Variants in BMP8B observed in about 807,000 individuals in gnomAD.
BMP8B encodes bone morphogenetic protein 8b.
BMP8B carries 17 observed loss-of-function variants against 30.3 expected under a neutral mutation model. The observed-to-expected ratio is 0.56, with a 90% CI of 0.38 to 0.84. The LOEUF (loss-of-function observed/expected upper bound fraction) is 0.84. Ranked by LOEUF, BMP8B falls within the 40% of genes least tolerant of loss-of-function variation. BMP8B has a pLI of 0.00. For missense variants in BMP8B, 253 were observed against 494.6 expected, an observed-to-expected ratio of 0.51 and a Z score of 4.63; for synonymous variants, 131 against 214.7, an observed-to-expected ratio of 0.61 and a Z score of 3.41.
chr1:39,761,830 C>T (rs886858560), intron 6 of BMP8B, among the ~76,000 whole-genome samples: 8 of 152,244 alleles, frequency 5.3e-5, no homozygotes, highest in South Asian at 2.1e-4. Context: ...GTCACCTCCA[C>T]GGTTGTTTTG....
chr1:39,766,124 A>T (rs944343368), intron 3 of BMP8B, among the ~76,000 whole-genome samples: 1 of 149,870 alleles, frequency 6.7e-6, no homozygotes, highest in Admixed American at 6.6e-5. Flanking sequence ...CCCTTGGAGC[A>T]GTATACCGTA....
chr1:39,760,404 G>A lies in BMP8B; in HGVS notation c.*15C>T. ...AGATGAGAAGGGTGGCTGCAGCTGG[G>A]CCGGGCGGGTGGACTCAGTGGCAGC... On this transcript the variant is annotated 3_prime_UTR_variant, in exon 7 of 7. Coordinates refer to ENST00000372827, the MANE Select transcript of BMP8B (RefSeq NM_001720.5). The A allele has an allele frequency of 6.2e-7, 1 of 1,613,174 alleles. No individual in the cohort carries two copies.
At chr1:39,779,870 T>C (rs1244886679) in intron 1 of BMP8B, among the ~76,000 whole-genome samples, 1 of 152,234 alleles carries the variant, frequency 6.6e-6, no homozygotes, top group East Asian at 1.9e-4. Context: ...TTGCACATTG[T>C]TCTTAGGGCT....
chr1:39,762,592 A>G (rs1271693591), intron 6 of BMP8B: 4 of 1,549,954 alleles, frequency 2.6e-6, no homozygotes, highest in Non-Finnish European at 3.5e-6. Flanking sequence ...AAACTGGGGG[A>G]AAAGCCAAAA....
chr1:39,761,679 C>T lies in BMP8B; in HGVS notation c.1060-1111G>A, dbSNP rs1223017758. ...GGCCCTGAACCTGCCAAGCTCACTG[C>T]TGTCTTAGGGCCTTGGAATTGCTCC... On this transcript the variant is annotated intron_variant, in intron 6 of 6. Transcript: ENST00000372827. Among the ~76,000 whole-genome samples, 4 of 152,256 alleles carry T rather than the reference C, an allele frequency of 2.6e-5. No individual in the cohort carries two copies. In the East Asian group the frequency reaches 7.7e-4, roughly 29 times the overall value.
intron 6 of BMP8B, among the ~76,000 whole-genome samples, chr1:39,760,879 G>A (rs1648870234): frequency 6.6e-6 from 1 of 152,108 alleles, no homozygotes; most frequent in Non-Finnish European, 1.5e-5. Flanking sequence ...TAATGGGAAG[G>A]AGAACTGTGT....
rs189251602 is a variant in BMP8B at position 39,779,481 on chromosome 1, A to G, written c.335-4443T>C. Among the ~76,000 whole-genome samples the G allele has an allele frequency of 2.6e-5, 4 of 152,278 alleles. No individual in the cohort carries two copies. The East Asian group carries it at 7.7e-4, about 29-fold the overall frequency. ...CTGGGGAGGAGGAGAAAGAGGGGCTAGGTGAGCCCCTGCATCACATAGACA... is the reference window on the plus strand; with the variant it reads ...CTGGGGAGGAGGAGAAAGAGGGGCTGGGTGAGCCCCTGCATCACATAGACA... On this transcript the variant is annotated intron_variant, in intron 1 of 6. Coordinates refer to ENST00000372827, the MANE Select transcript of BMP8B (RefSeq NM_001720.5).
intron 1 of BMP8B, among the ~76,000 whole-genome samples, chr1:39,781,562 T>C (rs554761867): frequency 2.0e-5 from 3 of 152,282 alleles, no homozygotes; most frequent in South Asian, 2.1e-4. Flanking sequence ...ATCGTGTAAA[T>C]TGTATCTTAG....
At chr1:39,778,394 G>A (rs568973702) in intron 1 of BMP8B, among the ~76,000 whole-genome samples, 23 of 151,632 alleles carry the variant, frequency 1.5e-4, no homozygotes, top group African/African-American at 1.9e-4. Context: ...AAGGCGGTGG[G>A]GCAGGGGCAC....
chr1:39,779,327 C>T (rs1290225410), intron 1 of BMP8B, among the ~76,000 whole-genome samples: 1 of 152,110 alleles, frequency 6.6e-6, no homozygotes, highest in African/African-American at 2.4e-5. Flanking sequence ...CCTCCCTGCT[C>T]TTGGCACTCG....
At chr1:39,770,090 C>A (rs775569937) in intron 3 of BMP8B, 1 of 1,221,306 alleles carries the variant, frequency 8.2e-7, no homozygotes, top group South Asian at 1.5e-5. Flanking sequence ...TTGGATGTGT[C>A]CCCCTCGGAT....
At chr1:39,762,633 T>C (rs1649149851) in intron 6 of BMP8B, 2 of 1,546,062 alleles carry the variant, frequency 1.3e-6, no homozygotes, top group African/African-American at 2.8e-5. Context: ...AGAAGCTTCC[T>C]GCCTGCGGTG....
chr1:39,780,002 G>T (rs1013503169), intron 1 of BMP8B, among the ~76,000 whole-genome samples: 1 of 152,186 alleles, frequency 6.6e-6, no homozygotes, highest in Non-Finnish European at 1.5e-5. Flanking sequence ...CCACTTCCAC[G>T]CGCTGTCTTT....
At position 39,758,991 on chromosome 1, in the gene BMP8B, C is replaced by A. The variant is rs1454047664; in HGVS notation, c.*1428G>T. 5.9e-5 allele frequency: 9 copies of A among 152,316 alleles called. No homozygotes were observed. Among genetic ancestry groups the A allele is most frequent in the African/African-American group, 2.2e-4 (9 of 41,468 alleles). 9.4% of individuals were successfully genotyped at this position (152,316 alleles called of 1,614,324 possible). ...CCTTGGGCCCATGGGGAGGTGGAAC[C>A]ACTCTGCCGGGCTGTGCCTGTGGAT... On this transcript the variant is annotated 3_prime_UTR_variant, in exon 7 of 7. Coordinates refer to ENST00000372827, the MANE Select transcript of BMP8B (RefSeq NM_001720.5).
At chr1:39,771,380 A>G in intron 3 of BMP8B, 1 of 837,612 alleles carries the variant, frequency 1.2e-6, no homozygotes. Context: ...CTCCCCGGCC[A>G]GGCGCAGGCT....
In BMP8B at chr1:39,788,642, C is replaced by A; in HGVS notation, c.-157G>T. On this transcript the variant is annotated 5_prime_UTR_variant, in exon 1 of 7. Coordinates refer to ENST00000372827, the MANE Select transcript of BMP8B (RefSeq NM_001720.5). This position sits in a 1 kb window ranked among gnomAD's most constrained non-coding sequence, Gnocchi z 5.8. ...ACGGGCGGCGACCGCGGCCTCAGCG[C>A]GGTCCCTGGAGCGCCCGCCGCGCGA... The A allele has an allele frequency of 1.4e-6, 1 of 693,006 alleles. No individual in the cohort carries two copies. The highest frequency in any genetic ancestry group is 6.3e-5 in the South Asian group (1 of 15,798). The allele number at this position is 693,006 out of a possible 1,614,324, so 42.9% of individuals were successfully genotyped here. A position where few individuals can be genotyped will look rare whatever the true frequency, so the allele number is the denominator to read the frequency against.
chr1:39,788,365 G>T lies in BMP8B; in HGVS notation c.121C>A (p.Arg41Ser). 8.8e-7 allele frequency: 1 copy of T among 1,137,580 alleles called. No homozygotes were observed. Among genetic ancestry groups the T allele is most frequent in the Non-Finnish European group, 1.1e-6 (1 of 930,630 alleles). The allele number at this position is 1,137,580 out of a possible 1,614,324, so 70.5% of individuals were successfully genotyped here. ...AGGATCTCGCGCTGCACGTCCCGGC[G>T]CTCGCGCGCGCCCAGACGTCGCTGG... ...CPQRRLGARE[R>S]RDVQREILAV... is the part of the protein sequence containing the mutation. Residue 41 changes from arginine (R) to serine (S), a missense_variant, in exon 1 of 7, where the codon CGC becomes AGC. By Grantham distance (110) the Arg-to-Ser change is moderately radical. Around this residue, in one of 7 missense-constraint regions of BMP8B, gnomAD observed 54 missense variants for 70.8 expected, o/e 0.76. Transcript: ENST00000372827. The surrounding 1 kb of genome is among the most constrained non-coding windows in gnomAD (Gnocchi z 5.8).
chr1:39,760,668 A>G, intron 6 of BMP8B, 100 bp from the exon 7 acceptor site: 1 of 1,413,378 alleles, frequency 7.1e-7, no homozygotes. Context: ...TGCCCTGGCC[A>G]TCTCCAGGCC....
intron 3 of BMP8B, among the ~76,000 whole-genome samples, chr1:39,768,524 T>A (rs1040402091): frequency 2.0e-5 from 3 of 147,074 alleles, no homozygotes; most frequent in Non-Finnish European, 3.0e-5. Flanking sequence ...GAAACAAAAT[T>A]TAACAACAAA....
Sources: gnomAD v4.1 joint callset for allele counts (sites outside exome capture counted in the v4.1 genomes callset) on GRCh38, gnomAD v4.1.1 for gene constraint, gnomAD v4.1.1 regional missense constraint, Gnocchi (gnomAD v3.1) non-coding constraint, MANE v1.5 for transcripts, NCBI Gene and HGNC (gene_info 2026-07-23, HGNC 2026-07-21) for gene names.